Variants in LGI4 observed in about 807,000 individuals in gnomAD.
LGI4 encodes the protein leucine-rich repeat LGI family member 4.
LGI4 carries 36 observed loss-of-function variants against 48.3 expected under a neutral mutation model. That is an observed-to-expected ratio of 0.75 (90% CI 0.57 to 0.98). The LOEUF is 0.98. Ranked by LOEUF, LGI4 falls within the 50% of genes least tolerant of loss-of-function variation. The probability of loss-of-function intolerance (pLI) is 0.00; values close to 1 mark genes in which losing one functional copy is unlikely to be tolerated. For synonymous variants in LGI4, 355 were observed against 331.6 expected (o/e 1.07, Z -0.77); for missense variants, 701 against 732.1 (o/e 0.96, Z 0.49).
chr19:35,134,669 T>C lies in LGI4; in HGVS notation c.12A>G (p.Ala4=), dbSNP rs1468140771. 2.5e-6 allele frequency: 3 copies of C among 1,209,456 alleles called. No individual in the cohort carries two copies. The Admixed American group carries it at 7.6e-5, about 31-fold the overall frequency. The allele number at this position is 1,209,456 out of a possible 1,614,324, so 74.9% of individuals were successfully genotyped here. A position where few individuals can be genotyped will look rare whatever the true frequency, so the allele number is the denominator to read the frequency against. ...CAGCCAGCAGCAGCAGCAGAATGCC[T>C]GCCCCTCCCATGCCCCCACCCCCAC... MGG[A]GILLLLLAGA... Residue 4 remains alanine, a synonymous_variant, in exon 1 of 9, where the codon GCA becomes GCG. Transcript: ENST00000310123.
rs1379988786 is a variant in LGI4 at position 35,126,378 on chromosome 19, G to A, written c.1191C>T (p.Phe397=). Residue 397 remains phenylalanine (F), a synonymous_variant, in exon 8 of 9, where the codon TTC becomes TTT. Coordinates refer to ENST00000310123, the MANE Select transcript of LGI4 (RefSeq NM_139284.3). ...CCTCGGGGATGTCTGTGCGTCTCTC[G>A]AAGCGGCCACCGGTCCAGTGGAAGA... is the stretch of plus-strand genomic sequence containing the variant. ...PVLFHWTGGR[F]ERRTDIPEAE... 9.9e-6 allele frequency: 16 copies of A among 1,611,058 alleles called. No individual in the cohort carries two copies. Among genetic ancestry groups the A allele is most frequent in the East Asian group, 2.2e-5 (1 of 44,822 alleles).
Position 35,126,028 on chromosome 19 carries a change from T to C in LGI4, c.1299+242A>G, listed in dbSNP as rs1320147850. On this transcript the variant is annotated intron_variant, in intron 8 of 8. Coordinates refer to ENST00000310123, the MANE Select transcript of LGI4 (RefSeq NM_139284.3). ...TGGCTGTGGTGAAGTCTGGAATGCA[T>C]CCGAGTCACAGAGCCAGCATTTGGG... is the stretch of plus-strand genomic sequence containing the variant. 4.4e-5 allele frequency: 26 copies of C among 590,104 alleles called. No individual in the cohort carries two copies. The East Asian group carries it at 7.1e-4, about 16-fold the overall frequency. 36.6% of individuals were successfully genotyped at this position (590,104 alleles called of 1,614,324 possible). A position where few individuals can be genotyped will look rare whatever the true frequency, so the allele number is the denominator to read the frequency against.
Position 35,134,123 on chromosome 19 carries a change from G to A in LGI4, c.171-19C>T. The stretch of plus-strand genomic sequence containing the variant: ...GAGTGAGCTGGGGATGTGGGCAGTG[G>A]TAGGTGAGAGGGACACCACAGCAAT... On this transcript the variant is annotated intron_variant, in intron 1 of 8. Coordinates refer to ENST00000310123, the MANE Select transcript of LGI4 (RefSeq NM_139284.3). 6.4e-7 allele frequency: 1 copy of A among 1,556,552 alleles called. No homozygotes were observed. The highest frequency in any genetic ancestry group is 1.2e-5 in the South Asian group (1 of 84,340).
rs943879894 is a variant in LGI4, at chr19:35,126,954, C to T, written c.692G>A (p.Gly231Glu). ...CTGTGCCAGCACAATGTGAGGCTCC[C>T]CTTGGTAGGAGAAGGGCTCTACGCT... ...ALSVEPFSYQ[G>E]EPHIVLAQPF... The change falls in exon 7 of 9, where the codon GGG becomes GAG. Residue 231 changes from glycine to glutamate, a missense_variant. Physicochemically the swap from Gly to Glu is moderately conservative, Grantham distance 98 (BLOSUM62 -2). This residue lies in a region of LGI4 where 462 missense variants were observed against 436.4 expected (regional missense o/e 1.06). Transcript: ENST00000310123. The T allele has an allele frequency of 1.9e-6, 3 of 1,613,608 alleles. No individual in the cohort carries two copies. Among genetic ancestry groups the T allele is most frequent in the Non-Finnish European group, 2.5e-6 (3 of 1,179,850 alleles).
chr19:35,128,536 C>A (rs12459153), intron 6 of LGI4, among the ~76,000 whole-genome samples: 39,359 of 151,862 alleles, frequency 0.26, 5,310 homozygotes, highest in Admixed American at 0.37. Flanking sequence ...TGGTGAAAAC[C>A]CCATCTCTAC....
intron 6 of LGI4, 100 bp from the exon 7 acceptor site, chr19:35,127,117 G>T: frequency 8.1e-7 from 1 of 1,233,008 alleles, no homozygotes; most frequent in Non-Finnish European, 1.1e-6. Flanking sequence ...GCCATTCATG[G>T]TACCCCCCTC....
chr19:35,131,740 A>G (rs753441679), intron 5 of LGI4, 49 bp downstream of exon 5: 1 of 1,445,500 alleles, frequency 6.9e-7, no homozygotes, highest in Admixed American at 2.0e-5. Flanking sequence ...CCCCCCGCCG[A>G]CACAAACATT....
chr19:35,125,781 C>T (rs748894207), intron 8 of LGI4: 3 of 656,152 alleles, frequency 4.6e-6, no homozygotes, highest in East Asian at 3.1e-5. Context: ...ACTCCATCCC[C>T]TCCTGACTGG....
chr19:35,125,735 C>A lies in LGI4; in HGVS notation c.1300-228G>T, dbSNP rs1039198428. ...CCATGGACTCTGTCAGTTTCACCTTCTACAGTTGTACATTTCTCCCACCAC... is the reference window on the plus strand; with the variant it reads ...CCATGGACTCTGTCAGTTTCACCTTATACAGTTGTACATTTCTCCCACCAC... On this transcript the variant is annotated intron_variant, in intron 8 of 8. Transcript: ENST00000310123. The A allele has an allele frequency of 5.8e-6, 4 of 693,194 alleles. No homozygotes were observed. In the African/African-American group the frequency reaches 7.0e-5, roughly 12 times the overall value. 42.9% of individuals were successfully genotyped at this position (693,194 alleles called of 1,614,324 possible). A position where few individuals can be genotyped will look rare whatever the true frequency, so the allele number is the denominator to read the frequency against.
In LGI4 at chr19:35,134,609, C is replaced by T. The variant is rs753265701; in HGVS notation, c.72G>A (p.Lys24=). ...AGGAGCAGCGCAGGGGACACTTTCC[C>T]TTTGGGGGTCTCCAGGCCACCACCA... ...AGVVVAWRPP[K]GKCPLRCSCS... The change falls in exon 1 of 9, where the codon AAG becomes AAA. Residue 24 remains lysine, a synonymous_variant. Transcript: ENST00000310123. The T allele has an allele frequency of 4.4e-6, 7 of 1,587,892 alleles. No individual in the cohort carries two copies. In the South Asian group the frequency reaches 5.7e-5, roughly 13 times the overall value.
At position 35,132,061 on chromosome 19, in the gene LGI4, G is replaced by A. The variant is rs748382727; in HGVS notation, c.315-19C>T. 3.8e-6 allele frequency: 6 copies of A among 1,561,258 alleles called. No individual in the cohort carries two copies. The African/African-American group carries it at 4.1e-5, about 11-fold the overall frequency. ...GATGAAGCTGTGGAGGGAAGCTGGGGTCAGGGGGAGGCCCGCTGAGCTTCA... is the reference window on the plus strand; with the variant it reads ...GATGAAGCTGTGGAGGGAAGCTGGGATCAGGGGGAGGCCCGCTGAGCTTCA... On this transcript the variant is annotated intron_variant, in intron 3 of 8. Coordinates refer to ENST00000310123, the MANE Select transcript of LGI4 (RefSeq NM_139284.3).
rs1258668677 is a variant in LGI4 at position 35,126,333 on chromosome 19, T to C, written c.1236A>G (p.Thr412=). Residue 412 remains threonine (T), a synonymous_variant, in exon 8 of 9, where the codon ACA becomes ACG. Coordinates refer to ENST00000310123, the MANE Select transcript of LGI4 (RefSeq NM_139284.3). ...DIPEAEDVYA[T]RHFQAGGDVF... is the part of the protein sequence containing the mutation. ...CGTCCCCACCAGCCTGGAAGTGGCG[T>C]GTGGCATAGACATCCTCGGCCTCGG... 6.2e-7 allele frequency: 1 copy of C among 1,611,580 alleles called. No individual in the cohort carries two copies. Among genetic ancestry groups the C allele is most frequent in the African/African-American group, 1.3e-5 (1 of 74,896 alleles).
chr19:35,126,964 A>G lies in LGI4; in HGVS notation c.682T>C (p.Ser228Pro), dbSNP rs769135994. 6.2e-7 allele frequency: 1 copy of G among 1,613,310 alleles called. No individual in the cohort carries two copies. The highest frequency in any genetic ancestry group is 1.1e-5 in the South Asian group (1 of 91,034). Residue 228 changes from serine (S) to proline (P), a missense_variant, in exon 7 of 9, where the codon TCC becomes CCC. Coordinates refer to ENST00000310123, the MANE Select transcript of LGI4 (RefSeq NM_139284.3). ...ACAATGTGAGGCTCCCCTTGGTAGG[A>G]GAAGGGCTCTACGCTCAGTGCCGAC... is the stretch of plus-strand genomic sequence containing the variant. Reference protein sequence around the residue: ...GESALSVEPFSYQGEPHIVLA... With the variant: ...GESALSVEPFPYQGEPHIVLA...
At chr19:35,127,203 G>C (rs2065146469) in intron 6 of LGI4, among the ~76,000 whole-genome samples, 186 bp from the exon 7 acceptor site, 1 of 152,122 alleles carries the variant, frequency 6.6e-6, no homozygotes, top group African/African-American at 2.4e-5. Context: ...GTTTTGTTTT[G>C]AGACAGGGTC....
rs183637723 is a variant in LGI4, at chr19:35,125,655, A to G, written c.1300-148T>C. 102 of 759,004 alleles carry G rather than the reference A, an allele frequency of 1.3e-4. 1 individual carries two copies. The highest frequency in any genetic ancestry group is 4.5e-4 in the Admixed American group (22 of 48,620). 47.0% of individuals were successfully genotyped at this position (759,004 alleles called of 1,614,324 possible). A position where few individuals can be genotyped will look rare whatever the true frequency, so the allele number is the denominator to read the frequency against. On this transcript the variant is annotated intron_variant, in intron 8 of 8. Transcript: ENST00000310123. ...ACCACCCACCTGTTCGGCCACACACATGCAGTTGTTCTGAGCCCTTCCCTT... is the reference window on the plus strand; with the variant it reads ...ACCACCCACCTGTTCGGCCACACACGTGCAGTTGTTCTGAGCCCTTCCCTT...
chr19:35,134,635 C>G lies in LGI4; in HGVS notation c.46G>C (p.Val16Leu). Residue 16 changes from valine to leucine, a missense_variant, in exon 1 of 9, where the codon GTG becomes CTG. Transcript: ENST00000310123. ...TTTGGGGGTCTCCAGGCCACCACCA[C>G]CCCCGCCCCAGCCAGCAGCAGCAGC... ...ILLLLLAGAG[V>L]VVAWRPPKGK... 1 of 1,556,968 alleles carries G rather than the reference C, an allele frequency of 6.4e-7. No homozygotes were observed. The highest frequency in any genetic ancestry group is 8.7e-7 in the Non-Finnish European group (1 of 1,146,142).
In LGI4 at chr19:35,125,170, T is replaced by C; in HGVS notation, c.*23A>G. 4.0e-6 allele frequency: 6 copies of C among 1,506,208 alleles called. No homozygotes were observed. Among genetic ancestry groups the C allele is most frequent in the Non-Finnish European group, 4.4e-6 (5 of 1,125,628 alleles). 93.3% of individuals were successfully genotyped at this position (1,506,208 alleles called of 1,614,324 possible). On this transcript the variant is annotated 3_prime_UTR_variant, in exon 9 of 9. Coordinates refer to ENST00000310123, the MANE Select transcript of LGI4 (RefSeq NM_139284.3). ...AGGGGCCGTCCAGGGGCCCCAGCCA[T>C]GCCCAGAGTCCCGTTGGTGGTCTCA... is the stretch of plus-strand genomic sequence containing the variant.
In LGI4 at chr19:35,131,416, C is replaced by G. The variant is rs1199933285; in HGVS notation, c.598G>C (p.Asp200His). The change falls in exon 6 of 9, where the codon GAC (aspartate) becomes CAC (histidine). Residue 200 changes from aspartate (D) to histidine (H), a missense_variant. Coordinates refer to ENST00000310123, the MANE Select transcript of LGI4 (RefSeq NM_139284.3). ...SLSHMQLHHL[D>H]PKTFKCRAIE... ...GCTCTGCACTTGAAAGTCTTGGGGTCGAGGTGGTGGAGCTGCATGTGGCTC... is the reference window on the plus strand; with the variant it reads ...GCTCTGCACTTGAAAGTCTTGGGGTGGAGGTGGTGGAGCTGCATGTGGCTC... 1 of 1,551,824 alleles carries G rather than the reference C, an allele frequency of 6.4e-7. No individual in the cohort carries two copies. Among genetic ancestry groups the G allele is most frequent in the African/African-American group, 1.4e-5 (1 of 73,320 alleles).
intron 8 of LGI4, 177 bp from the exon 9 acceptor site, chr19:35,125,684 C>T (rs928252357): frequency 2.7e-5 from 19 of 707,700 alleles, no homozygotes; most frequent in Non-Finnish European, 4.6e-5. Flanking sequence ...TTCCCTTGCC[C>T]TCACGCCCCA....
Sources: allele counts gnomAD v4.1 joint callset (sites outside exome capture counted in the v4.1 genomes callset), GRCh38; gene constraint gnomAD v4.1.1; regional missense constraint gnomAD v4.1.1; transcripts MANE v1.5; gene names NCBI Gene and HGNC (gene_info 2026-07-23, HGNC 2026-07-21).